GPAM: variants seen among roughly 807,000 people sequenced by gnomAD.
GPAM encodes glycerol-3-phosphate acyltransferase, mitochondrial, also known as glycerol-3-phosphate acyltransferase 1, mitochondrial.
Under a neutral mutation model 105.0 loss-of-function variants are expected in GPAM, and 56 were observed. The observed-to-expected ratio is 0.53, with a 90% confidence interval of 0.43 to 0.67. GPAM has a LOEUF of 0.67. GPAM is among the 30% of genes least tolerant of loss of function. The pLI is 0.00. For missense variants in GPAM, 855 were observed against 989.8 expected (o/e 0.86, Z 1.83); for synonymous variants, 368 against 354.4 (o/e 1.04, Z -0.43).
chr10:112,150,165 C>A lies in GPAM; in HGVS notation c.*3385G>T. ...TAAACTAAAATGCCAGACGGCAAGT[C>A]TCAGGTTTCTAAAATAGTTTTAAAA... On this transcript the variant is annotated 3_prime_UTR_variant, in exon 22 of 22. Coordinates refer to ENST00000348367, the MANE Select transcript of GPAM (RefSeq NM_001244949.2). The A allele has an allele frequency of 1.0e-6, 1 of 985,266 alleles. No homozygotes were observed. The highest frequency in any genetic ancestry group is 1.2e-6 in the Non-Finnish European group (1 of 829,770). The allele number at this position is 985,266 out of a possible 1,614,324, so 61.0% of individuals were successfully genotyped here.
At chr10:112,179,692 T>G (rs965283794) in intron 4 of GPAM, among the ~76,000 whole-genome samples, 3 of 152,164 alleles carry the variant, frequency 2.0e-5, no homozygotes, top group Non-Finnish European at 4.4e-5. Context: ...GCCACACAAG[T>G]TACAAGCAAC....
intron 1 of GPAM, among the ~76,000 whole-genome samples, chr10:112,202,080 C>T (rs1489712668): frequency 1.3e-5 from 2 of 152,132 alleles, no homozygotes; most frequent in African/African-American, 4.8e-5. Context: ...TGATTTGAAC[C>T]CAGATGTATC....
At chr10:112,163,577 C>CT in intron 14 of GPAM, 124 bp downstream of exon 14, 1 of 685,718 alleles carries the variant, frequency 1.5e-6, no homozygotes, top group South Asian at 1.6e-5. Flanking sequence ...AATAACTTAC[C>CT]TATCACCACC....
At chr10:112,173,625 G>C in intron 7 of GPAM, 74 bp downstream of exon 7, 1 of 1,365,334 alleles carries the variant, frequency 7.3e-7, no homozygotes, top group Non-Finnish European at 1.0e-6. Flanking sequence ...TGCTAGGAAA[G>C]TTCAATAATT....
chr10:112,225,452 T>C, the GPAM span, among the ~76,000 whole-genome samples: 1 of 152,054 alleles, frequency 6.6e-6, no homozygotes, highest in Non-Finnish European at 1.5e-5. Flanking sequence ...CCACCACCTT[T>C]CCATTCCACA....
chr10:112,225,878 G>A, the GPAM span, among the ~76,000 whole-genome samples: 1 of 152,110 alleles, frequency 6.6e-6, no homozygotes, highest in Non-Finnish European at 1.5e-5. Context: ...AAGAATGCCT[G>A]GCACAATAAA....
chr10:112,202,888 T>C (rs1464754086), intron 1 of GPAM, among the ~76,000 whole-genome samples: 1 of 152,210 alleles, frequency 6.6e-6, no homozygotes, highest in Admixed American at 6.5e-5. Context: ...CTCTGTTGTT[T>C]AGTAATTCAG....
chr10:112,186,825 A>G (rs1847601956), upstream of GPAM, among the ~76,000 whole-genome samples: 1 of 152,206 alleles, frequency 6.6e-6, no homozygotes, highest in Non-Finnish European at 1.5e-5. Flanking sequence ...TGCTGGGATT[A>G]TAAGAGTGAG....
chr10:112,214,257 A>G (rs537816894), intron 1 of GPAM: 21 of 152,366 alleles, frequency 1.4e-4, no homozygotes, highest in African/African-American at 5.0e-4. Context: ...TGCGGTTGGC[A>G]TGGTTATTTC....
At chr10:112,169,320 C>G (rs1336050866) in intron 9 of GPAM, among the ~76,000 whole-genome samples, 1 of 152,144 alleles carries the variant, frequency 6.6e-6, no homozygotes, top group African/African-American at 2.4e-5. Context: ...CTTAGACATT[C>G]TGAAATTTGC....
At position 112,150,921 on chromosome 10, in the gene GPAM, C is replaced by T. The variant is rs1846904720; in HGVS notation, c.*2629G>A. ...ATATTTTCTCCATTTACCCTCATGA[C>T]TTTGTGAAATTTAACAGATTCCAGA... On this transcript the variant is annotated 3_prime_UTR_variant, in exon 22 of 22. Transcript: ENST00000348367. 2.0e-6 allele frequency: 2 copies of T among 985,376 alleles called. No homozygotes were observed. Among genetic ancestry groups the T allele is most frequent in the African/African-American group, 3.5e-5 (2 of 57,358 alleles). The allele number at this position is 985,376 out of a possible 1,614,324, so 61.0% of individuals were successfully genotyped here.
At chr10:112,156,583 A>G (rs1402625021) in intron 19 of GPAM, 2 of 181,786 alleles carry the variant, frequency 1.1e-5, no homozygotes, top group Admixed American at 1.1e-4. Context: ...CTCTCACTGT[A>G]CCTACCCAAA....
intron 14 of GPAM, 131 bp downstream of exon 14, chr10:112,163,569 TA>T (rs1159665239): frequency 5.9e-6 from 4 of 678,572 alleles, no homozygotes; most frequent in African/African-American, 5.3e-5. Flanking sequence ...TTCTTTCTAA[TA>T]ACTTACCTAT....
chr10:112,179,031 A>G (rs1847458207), intron 4 of GPAM, among the ~76,000 whole-genome samples: 1 of 152,246 alleles, frequency 6.6e-6, no homozygotes, highest in Non-Finnish European at 1.5e-5. Context: ...AAAAAGCACA[A>G]TGTTCCCTCA....
At chr10:112,173,660 T>C (rs137959700) in intron 7 of GPAM, 39 bp downstream of exon 7, 2 of 1,598,320 alleles carry the variant, frequency 1.3e-6, no homozygotes, top group African/African-American at 2.7e-5. Context: ...CAAATCAGCA[T>C]GGCTGTGATT....
At chr10:112,218,177 C>G (rs948075154), upstream of GPAM, among the ~76,000 whole-genome samples, 12 of 152,222 alleles carry the variant, frequency 7.9e-5, no homozygotes, top group African/African-American at 2.9e-4. Flanking sequence ...CTGCAGCTGC[C>G]TGGCTTGTTC....
chr10:112,196,951 C>T (rs1380587363), intron 1 of GPAM, among the ~76,000 whole-genome samples: 3 of 152,176 alleles, frequency 2.0e-5, no homozygotes, highest in African/African-American at 7.2e-5. Context: ...ACTTCACCTC[C>T]ATAAAGCATT....
At chr10:112,178,766 A>T (rs979949298) in intron 4 of GPAM, among the ~76,000 whole-genome samples, 3 of 152,150 alleles carry the variant, frequency 2.0e-5, no homozygotes, top group African/African-American at 7.2e-5. Flanking sequence ...CCTGACACAA[A>T]AGAGTTATCA....
Position 112,181,871 on chromosome 10 carries a change from C to T in GPAM, c.-29-58G>A, listed in dbSNP as rs1263060404. The T allele has an allele frequency of 3.9e-6, 3 of 777,488 alleles. No homozygotes were observed. In the East Asian group the frequency reaches 7.7e-5, roughly 20 times the overall value. 48.2% of individuals were successfully genotyped at this position (777,488 alleles called of 1,614,324 possible). A position where few individuals can be genotyped will look rare whatever the true frequency, so the allele number is the denominator to read the frequency against. On this transcript the variant is annotated intron_variant, in intron 2 of 21. Transcript: ENST00000348367. The stretch of plus-strand genomic sequence containing the variant: ...GGAATCGAGAGAGTAAATACTAGAA[C>T]TCAAAATTCTGATTTCTACATTACT...
Sources: gnomAD v4.1 joint callset for allele counts (sites outside exome capture counted in the v4.1 genomes callset) on GRCh38, gnomAD v4.1.1 for gene constraint, MANE v1.5 for transcripts, NCBI Gene and HGNC (gene_info 2026-07-23, HGNC 2026-07-21) for gene names.